NDST3: variants seen among roughly 807,000 people sequenced by gnomAD.
NDST3 encodes N-deacetylase and N-sulfotransferase 3.
A neutral mutation model predicts 96.1 loss-of-function variants in NDST3; 58 were observed. That is an observed-to-expected ratio of 0.60 (90% CI 0.49 to 0.75). The LOEUF is 0.75. Among genes scored for constraint, NDST3 ranks in the 30% least tolerant of loss-of-function variants. The pLI is 0.00. For missense variants in NDST3, 788 were observed against 1,034.2 expected (o/e 0.76, Z 3.27); for synonymous variants, 333 against 359.7 (o/e 0.93, Z 0.84).
At chr4:118,073,237 CATAAG>C (rs967888989) in intron 2 of NDST3, among the ~76,000 whole-genome samples, 4 of 152,178 alleles carry the variant, frequency 2.6e-5, no homozygotes, top group Admixed American at 1.3e-4. Context: ...ATGCTGATCT[CATAAG>C]ATAAGTTAAG....
chr4:118,072,307 A>C (rs927841714), intron 2 of NDST3, among the ~76,000 whole-genome samples: 5 of 152,004 alleles, frequency 3.3e-5, no homozygotes, highest in Non-Finnish European at 5.9e-5. Context: ...TGAATCTGTA[A>C]ATTGCTTTGG....
intron 4 of NDST3, among the ~76,000 whole-genome samples, chr4:118,128,035 T>G (rs1328968891): frequency 6.6e-6 from 1 of 152,100 alleles, no homozygotes; most frequent in Non-Finnish European, 1.5e-5. Flanking sequence ...ATGTTGATCT[T>G]GTATCTTGAA....
intron 2 of NDST3, among the ~76,000 whole-genome samples, chr4:118,085,169 T>C (rs1728324508): frequency 6.6e-6 from 1 of 151,982 alleles, no homozygotes; most frequent in Non-Finnish European, 1.5e-5. Flanking sequence ...TATAGGGAAA[T>C]AATCTTAACA....
At chr4:118,126,252 C>T (rs1363104484) in intron 4 of NDST3, among the ~76,000 whole-genome samples, 1 of 151,866 alleles carries the variant, frequency 6.6e-6, no homozygotes, top group Admixed American at 6.6e-5. Flanking sequence ...TAATCATGCC[C>T]ACCTCCCCTG....
At chr4:118,150,182 A>C (rs995601598) in intron 6 of NDST3, among the ~76,000 whole-genome samples, 10 of 152,092 alleles carry the variant, frequency 6.6e-5, no homozygotes, top group African/African-American at 2.4e-4. Context: ...GGATTTTTGC[A>C]TCAATGTTCA....
intron 6 of NDST3, among the ~76,000 whole-genome samples, chr4:118,208,685 T>C (rs1738599724): frequency 6.9e-6 from 1 of 144,626 alleles, no homozygotes. Context: ...TTGTTCTTTT[T>C]GTCCTTTGAG....
chr4:118,128,604 A>AT (rs1732325827), intron 4 of NDST3, among the ~76,000 whole-genome samples: 1 of 151,796 alleles, frequency 6.6e-6, no homozygotes, highest in Non-Finnish European at 1.5e-5. Flanking sequence ...TTTATTGAGA[A>AT]TTTTTGCATC....
chr4:118,212,765 G>A (rs367691451), intron 6 of NDST3, among the ~76,000 whole-genome samples: 13 of 152,082 alleles, frequency 8.5e-5, no homozygotes, highest in African/African-American at 3.1e-4. Flanking sequence ...GAGCTCCAAA[G>A]TATAAGTATA....
chr4:118,218,382 T>C (rs1029648023), intron 6 of NDST3, among the ~76,000 whole-genome samples: 1 of 152,126 alleles, frequency 6.6e-6, no homozygotes, highest in Non-Finnish European at 1.5e-5. Flanking sequence ...TCAAGGCTGG[T>C]TCAACATATG....
rs180671139 is a variant in NDST3 at position 118,066,236 on chromosome 4, T to C, written c.981+11345T>C. On this transcript the variant is annotated intron_variant, in intron 2 of 13. Coordinates refer to ENST00000296499, the MANE Select transcript of NDST3 (RefSeq NM_004784.3). ...TATACATAATATATTATATATATTA[T>C]ATATTATATATATTATATATTATAT... 7.8e-3 allele frequency among the ~76,000 whole-genome samples: 404 copies of C among 51,514 alleles called. 5 individuals are homozygous for C. The highest frequency in any genetic ancestry group is 0.035 in the African/African-American group (371 of 10,628). The allele number at this position is 51,514 out of a possible 152,430, so 33.8% of individuals were successfully genotyped here. A position where few individuals can be genotyped will look rare whatever the true frequency, so the allele number is the denominator to read the frequency against.
chr4:118,210,634 G>A (rs1738724663), intron 6 of NDST3, among the ~76,000 whole-genome samples: 1 of 151,972 alleles, frequency 6.6e-6, no homozygotes, highest in African/African-American at 2.4e-5. Flanking sequence ...AAATTAGCTG[G>A]GTGTGGTGGC....
intron 2 of NDST3, among the ~76,000 whole-genome samples, chr4:118,064,352 C>A (rs914523130): frequency 3.3e-5 from 5 of 152,036 alleles, no homozygotes; most frequent in African/African-American, 1.2e-4. Flanking sequence ...GTAGCTAAAG[C>A]ACTTTTTTAT....
At chr4:118,083,853 T>A (rs754993934) in intron 2 of NDST3, among the ~76,000 whole-genome samples, 1 of 152,200 alleles carries the variant, frequency 6.6e-6, no homozygotes, top group Admixed American at 6.5e-5. Context: ...AGTCTGACTC[T>A]GTGCCTTTAC....
intron 2 of NDST3, among the ~76,000 whole-genome samples, chr4:118,066,117 ATAT>A (rs1191440390): frequency 1.3e-4 from 10 of 78,056 alleles, no homozygotes; most frequent in African/African-American, 4.5e-4. Context: ...TATATTTTAT[ATAT>A]TATATATATT....
At chr4:118,062,168 A>G (rs549047929) in intron 2 of NDST3, among the ~76,000 whole-genome samples, 1 of 152,292 alleles carries the variant, frequency 6.6e-6, no homozygotes, top group Non-Finnish European at 1.5e-5. Flanking sequence ...TCCAAACTTT[A>G]TTTTAAAGAC....
chr4:118,124,319 A>G (rs1300026950), intron 4 of NDST3, among the ~76,000 whole-genome samples: 1 of 152,022 alleles, frequency 6.6e-6, no homozygotes, highest in East Asian at 1.9e-4. Context: ...GTCTTAGTTT[A>G]CCTTGGTTTT....
Position 118,224,514 on chromosome 4 carries a change from G to T in NDST3, c.1563G>T (p.Leu521Phe). 6.2e-7 allele frequency: 1 copy of T among 1,606,524 alleles called. No homozygotes were observed. Among genetic ancestry groups the T allele is most frequent in the Non-Finnish European group, 8.5e-7 (1 of 1,176,538 alleles). Residue 521 changes from leucine (L) to phenylalanine (F), a missense_variant, in exon 7 of 14, where the codon TTG becomes TTT. This residue lies in a region of NDST3 where 490 missense variants were observed against 708.8 expected (regional missense o/e 0.69). Coordinates refer to ENST00000296499, the MANE Select transcript of NDST3 (RefSeq NM_004784.3). ...AGATCAGCATTTTCATGACCCATTT[G>T]TCCAACTATGGGAATGACCGACTGG... ...LNPISIFMTH[L>F]SNYGNDRLGL... is the part of the protein sequence containing the mutation.
chr4:118,229,974 C>CTA (rs1740160047), intron 8 of NDST3, among the ~76,000 whole-genome samples: 1 of 152,142 alleles, frequency 6.6e-6, no homozygotes, highest in Non-Finnish European at 1.5e-5. Context: ...GGTTACCTCG[C>CTA]TAATCCTCAT....
intron 9 of NDST3, 96 bp downstream of exon 9, chr4:118,233,231 A>G: frequency 8.8e-7 from 1 of 1,130,226 alleles, no homozygotes. Context: ...TTGTAGTCAC[A>G]AATAAAATTT....
Sources: allele counts gnomAD v4.1 joint callset (sites outside exome capture counted in the v4.1 genomes callset), GRCh38; gene constraint gnomAD v4.1.1; regional missense constraint gnomAD v4.1.1; transcripts MANE v1.5; gene names NCBI Gene and HGNC (gene_info 2026-07-23, HGNC 2026-07-21).